ESRRG: variants seen among roughly 807,000 people sequenced by gnomAD.
ESRRG encodes the protein estrogen-related receptor gamma.
Under a neutral mutation model 44.0 loss-of-function variants are expected in ESRRG, and 13 were observed. That is an observed-to-expected ratio of 0.30 (90% CI 0.19 to 0.47). The LOEUF is 0.47. Ranked by LOEUF, ESRRG falls within the 20% of genes least tolerant of loss-of-function variation. ESRRG has a pLI of 1.00. For synonymous variants in ESRRG, 215 were observed against 214.6 expected, an observed-to-expected ratio of 1.00 and a Z score of -0.02; for missense variants, 395 against 580.6, an observed-to-expected ratio of 0.68 and a Z score of 3.29.
intron 2 of ESRRG, among the ~76,000 whole-genome samples, chr1:216,667,719 A>G (rs996586448): frequency 1.0e-4 from 15 of 146,056 alleles, no homozygotes; most frequent in African/African-American, 3.8e-4. Flanking sequence ...AGATAGAACG[A>G]AGTTGAAAAA....
intron 2 of ESRRG, among the ~76,000 whole-genome samples, chr1:216,905,626 G>A (rs555952589): frequency 4.6e-5 from 7 of 152,254 alleles, no homozygotes; most frequent in South Asian, 4.2e-4. Context: ...CTGTCTCCTC[G>A]TCATCACTGT....
At chr1:216,699,187 G>A (rs1575476091) in intron 1 of ESRRG, among the ~76,000 whole-genome samples, 1 of 152,278 alleles carries the variant, frequency 6.6e-6, no homozygotes, top group Non-Finnish European at 1.5e-5. Context: ...GTGTGTGATT[G>A]GTTGATTGTA....
intron 3 of ESRRG, among the ~76,000 whole-genome samples, chr1:216,597,456 G>A (rs1312174499): frequency 1.3e-5 from 2 of 152,172 alleles, no homozygotes; most frequent in African/African-American, 2.4e-5. Flanking sequence ...CAGTCACAGA[G>A]AACAGCTGTG....
At chr1:217,133,197 C>A (rs140113685) in intron 1 of ESRRG, among the ~76,000 whole-genome samples, 2 of 152,372 alleles carry the variant, frequency 1.3e-5, no homozygotes, top group African/African-American at 2.4e-5. Flanking sequence ...AGTCTCACAG[C>A]CAGAGCAAGT....
chr1:216,777,121 C>A (rs1480807606), intron 2 of ESRRG, among the ~76,000 whole-genome samples: 2 of 152,032 alleles, frequency 1.3e-5, no homozygotes, highest in Non-Finnish European at 2.9e-5. Context: ...GCTTGCCTAC[C>A]CAGGCTGTAG....
At chr1:216,753,770 G>T (rs936859403) in intron 2 of ESRRG, among the ~76,000 whole-genome samples, 5 of 152,052 alleles carry the variant, frequency 3.3e-5, no homozygotes, top group African/African-American at 1.2e-4. Context: ...AAGTATTAAG[G>T]ATTATGTATT....
At chr1:216,866,788 C>T (rs567673165) in intron 2 of ESRRG, among the ~76,000 whole-genome samples, 4 of 152,134 alleles carry the variant, frequency 2.6e-5, no homozygotes, top group South Asian at 2.1e-4. Context: ...TCTTCCTCCA[C>T]GTGGCCTTTC....
In ESRRG at chr1:216,971,673, T is replaced by C. The variant is rs1394346342; in HGVS notation, c.-105-32000A>G. On this transcript the variant is annotated intron_variant, in intron 1 of 7. Transcript: ENST00000359162. ...TGCAATGGTTTATTTTAATAAAATA[T>C]TTATGATGCTTCAGGAAAACAGCTA... 3.3e-5 allele frequency among the ~76,000 whole-genome samples: 5 copies of C among 152,208 alleles called. 1 individual carries two copies. The highest frequency in any genetic ancestry group is 2.6e-4 in the Admixed American group (4 of 15,272).
chr1:217,052,551 C>A (rs1412202677), intron 1 of ESRRG, among the ~76,000 whole-genome samples: 1 of 152,172 alleles, frequency 6.6e-6, no homozygotes, highest in Admixed American at 6.5e-5. Flanking sequence ...CTAAGAGAGA[C>A]CTAGGTGTTC....
At chr1:217,028,719 T>C (rs962768483) in intron 1 of ESRRG, among the ~76,000 whole-genome samples, 10 of 152,162 alleles carry the variant, frequency 6.6e-5, no homozygotes, top group Admixed American at 6.5e-4. Flanking sequence ...AATACACAGG[T>C]AGTTCATAGG....
intron 1 of ESRRG, among the ~76,000 whole-genome samples, chr1:217,108,746 A>C (rs2092628410): frequency 6.6e-6 from 1 of 152,058 alleles, no homozygotes; most frequent in South Asian, 2.1e-4. Context: ...ACCTCCCCAG[A>C]AGCCAAGCAG....
Position 217,055,503 on chromosome 1 carries a change from C to A in ESRRG, c.-106+34004G>T, listed in dbSNP as rs561564861. ...TGCAAACAGTATGCACTTTATATAACATTTCCACTTAACACCCTCCCCTTA... is the reference window on the plus strand; with the variant it reads ...TGCAAACAGTATGCACTTTATATAAAATTTCCACTTAACACCCTCCCCTTA... On this transcript the variant is annotated intron_variant, in intron 1 of 7. Coordinates refer to the ESRRG transcript ENST00000359162. 1.1e-4 allele frequency among the ~76,000 whole-genome samples: 16 copies of A among 152,248 alleles called. No homozygotes were observed. The East Asian group carries it at 2.7e-3, about 26-fold the overall frequency.
intron 5 of ESRRG, among the ~76,000 whole-genome samples, chr1:216,557,059 G>A (rs941144947): frequency 2.0e-5 from 3 of 152,130 alleles, no homozygotes; most frequent in African/African-American, 7.2e-5. Context: ...GAGAGTCAGA[G>A]ACAGGGAGCA....
chr1:216,774,798 C>CTTCTTTTTTTTTTTT (rs1553600739), intron 2 of ESRRG, among the ~76,000 whole-genome samples: 1 of 110,850 alleles, frequency 9.0e-6, no homozygotes, highest in African/African-American at 3.7e-5. Context: ...ATAATTTCTT[C>CTTCTTTTTTTTTTTT]TTTTTTTTTT....
chr1:216,756,361 T>C (rs962510329), intron 2 of ESRRG, among the ~76,000 whole-genome samples: 4 of 152,150 alleles, frequency 2.6e-5, no homozygotes, highest in African/African-American at 9.6e-5. Flanking sequence ...TTCTTGGTCC[T>C]GGAATAAGAG....
At chr1:217,071,035 C>G (rs1177418781) in intron 1 of ESRRG, among the ~76,000 whole-genome samples, 1 of 152,150 alleles carries the variant, frequency 6.6e-6, no homozygotes, top group Non-Finnish European at 1.5e-5. Flanking sequence ...TCCTCCTCCT[C>G]TTTCTTCTCC....
upstream of ESRRG, among the ~76,000 whole-genome samples, chr1:216,727,961 T>A (rs1287422328): frequency 6.6e-6 from 1 of 152,192 alleles, no homozygotes; most frequent in African/African-American, 2.4e-5. Context: ...TCTGTTTAAT[T>A]AATTCAGGAT....
intron 1 of ESRRG, among the ~76,000 whole-genome samples, chr1:217,112,679 G>T (rs967900590): frequency 5.9e-5 from 9 of 152,148 alleles, no homozygotes; most frequent in African/African-American, 1.7e-4. Context: ...GGATTTGCTA[G>T]GTTTCAAAAT....
At chr1:217,003,237 C>G (rs2077277872) in intron 1 of ESRRG, among the ~76,000 whole-genome samples, 2 of 152,074 alleles carry the variant, frequency 1.3e-5, no homozygotes, top group South Asian at 4.2e-4. Flanking sequence ...AAAGCATGGA[C>G]TTTGAAGTCA....
Sources: allele counts gnomAD v4.1 joint callset (sites outside exome capture counted in the v4.1 genomes callset), GRCh38; gene constraint gnomAD v4.1.1; transcripts MANE v1.5; gene names NCBI Gene and HGNC (gene_info 2026-07-23, HGNC 2026-07-21).